The following PLEKHG1 variants were observed in gnomAD, a reference collection of about 807,000 sequenced individuals.
PLEKHG1 encodes the protein pleckstrin homology and RhoGEF domain containing G1.
Under a neutral mutation model 100.8 loss-of-function variants are expected in PLEKHG1, and 44 were observed. The ratio of observed to expected loss-of-function variants is 0.44; its 90% CI spans 0.34 to 0.56. The LOEUF (loss-of-function observed/expected upper bound fraction) is 0.56, where lower values mean the gene tolerates loss of function less well. PLEKHG1 is among the 20% of genes least tolerant of loss of function. The pLI is 0.01. For synonymous variants in PLEKHG1, 640 were observed against 662.5 expected (o/e 0.97, Z 0.52); for missense variants, 1,545 against 1,720.9 (o/e 0.90, Z 1.81).
At chr6:150,777,666 A>G (rs1182302199) in intron 3 of PLEKHG1, among the ~76,000 whole-genome samples, 43 of 141,020 alleles carry the variant, frequency 3.0e-4, no homozygotes, top group African/African-American at 1.0e-3. Flanking sequence ...GCACATGTGC[A>G]GTTGCACATT....
At chr6:150,804,887 T>A in intron 7 of PLEKHG1, 146 bp downstream of exon 8, 2 of 644,934 alleles carry the variant, frequency 3.1e-6, no homozygotes, top group Non-Finnish European at 5.2e-6. Context: ...AGGACATCAG[T>A]AATACCCATC....
intron 3 of PLEKHG1, chr6:150,651,961 A>G (rs575532256): frequency 6.6e-6 from 1 of 152,342 alleles, no homozygotes; most frequent in South Asian, 2.1e-4. Context: ...ATTAACATAC[A>G]TAAAGACTCA....
intron 1 of PLEKHG1, among the ~76,000 whole-genome samples, chr6:150,636,498 G>A (rs1007373456): frequency 5.3e-5 from 8 of 150,626 alleles, no homozygotes; most frequent in African/African-American, 1.5e-4. Flanking sequence ...CTGTTTTTTG[G>A]TTCACTAGGG....
intron 2 of PLEKHG1, among the ~76,000 whole-genome samples, chr6:150,755,641 TCTGCTTCACGCTGAAGCTACGGAGC>T (rs576039511): frequency 3.3e-5 from 5 of 152,208 alleles, no homozygotes; most frequent in African/African-American, 9.6e-5. Flanking sequence ...TTGTATTCTT[TCTGCTTCACGCTGAAGCTACGGAGC>T]CTCAGCAAGG....
intron 2 of PLEKHG1, among the ~76,000 whole-genome samples, chr6:150,761,610 G>A (rs1017102260): frequency 7.9e-5 from 12 of 152,086 alleles, no homozygotes; most frequent in Admixed American, 6.6e-5. Context: ...AATTGATTTC[G>A]GTAATGATTG....
intron 3 of PLEKHG1, among the ~76,000 whole-genome samples, chr6:150,709,784 C>CGTTT (rs774105763): frequency 3.9e-5 from 6 of 151,904 alleles, no homozygotes; most frequent in Admixed American, 1.3e-4. Flanking sequence ...ATGGTGTTTT[C>CGTTT]GTTTGTTTGT....
chr6:150,800,760 T>C, exon 6 of PLEKHG1: 1 of 1,613,978 alleles, frequency 6.2e-7, no homozygotes, highest in Non-Finnish European at 8.5e-7. Flanking sequence ...AACAAGATAC[T>C]GGCCAAATTC....
At chr6:150,655,416 A>C (rs1453761335) in intron 3 of PLEKHG1, among the ~76,000 whole-genome samples, 3 of 152,300 alleles carry the variant, frequency 2.0e-5, no homozygotes, top group African/African-American at 4.8e-5. Flanking sequence ...GATAAAGAAA[A>C]TGTGACACAT....
intron 2 of PLEKHG1, among the ~76,000 whole-genome samples, chr6:150,755,747 C>T (rs9918380): frequency 6.6e-6 from 1 of 152,202 alleles, no homozygotes; most frequent in South Asian, 2.1e-4. Context: ...TTTCCCACCT[C>T]GCTACATCGG....
intron 10 of PLEKHG1, among the ~76,000 whole-genome samples, chr6:150,817,624 C>A (rs1453504723): frequency 1.4e-5 from 2 of 144,310 alleles, no homozygotes; most frequent in African/African-American, 5.3e-5. Flanking sequence ...GTGGCTCAAT[C>A]TCGGCTCACT....
At chr6:150,691,974 A>G (rs767276844) in intron 3 of PLEKHG1, among the ~76,000 whole-genome samples, 3 of 152,230 alleles carry the variant, frequency 2.0e-5, no homozygotes, top group Admixed American at 1.3e-4. Flanking sequence ...CCAGGGGTGG[A>G]TCCAGGTTCC....
At chr6:150,763,402 T>A (rs1296927382) in intron 2 of PLEKHG1, among the ~76,000 whole-genome samples, 1 of 152,044 alleles carries the variant, frequency 6.6e-6, no homozygotes, top group African/African-American at 2.4e-5. Flanking sequence ...GGCTGGAAAA[T>A]CAAACCCATG....
chr6:150,666,036 T>C (rs551075157), intron 3 of PLEKHG1, among the ~76,000 whole-genome samples: 15 of 152,326 alleles, frequency 9.8e-5, no homozygotes, highest in African/African-American at 3.6e-4. Flanking sequence ...TCTTTCCACG[T>C]TGGAAATGCT....
At chr6:150,672,251 C>T (rs894047011) in intron 3 of PLEKHG1, among the ~76,000 whole-genome samples, 2 of 152,204 alleles carry the variant, frequency 1.3e-5, no homozygotes, top group African/African-American at 4.8e-5. Flanking sequence ...TGTGCAAGTA[C>T]TCCCTCCTTC....
At chr6:150,832,270 A>T in intron 15 of PLEKHG1, 65 bp downstream of exon 16, 1 of 1,352,152 alleles carries the variant, frequency 7.4e-7, no homozygotes, top group Non-Finnish European at 1.0e-6. Context: ...CAGATTTCAG[A>T]TGTCCTTAAA....
At chr6:150,794,180 A>G (rs1433458601) in intron 4 of PLEKHG1, among the ~76,000 whole-genome samples, 2 of 152,252 alleles carry the variant, frequency 1.3e-5, no homozygotes, top group Non-Finnish European at 2.9e-5. Flanking sequence ...CAAAAGGAAG[A>G]AAAATAGGGG....
At chr6:150,814,404 A>G (rs1374547810) in intron 10 of PLEKHG1, among the ~76,000 whole-genome samples, 2 of 152,258 alleles carry the variant, frequency 1.3e-5, no homozygotes, top group Non-Finnish European at 1.5e-5. Flanking sequence ...AATATAGTCA[A>G]TATAACATCG....
rs1000066190 is a variant in PLEKHG1 at position 150,610,018 on chromosome 6, C to A, written c.-204+10001C>A. Among the ~76,000 whole-genome samples the A allele has an allele frequency of 5.9e-4, 90 of 152,312 alleles. 1 individual carries two copies. The highest frequency in any genetic ancestry group is 2.1e-3 in the African/African-American group (89 of 41,572). On this transcript the variant is annotated intron_variant, in intron 1 of 3. Transcript: ENST00000367326. ...GCTGTGACGCGATGCTGGGTGAACT[C>A]CCCTCACCACAAGCACCTACGAAGC...
intron 1 of PLEKHG1, among the ~76,000 whole-genome samples, chr6:150,601,171 C>T (rs1776344872): frequency 6.6e-6 from 1 of 152,140 alleles, no homozygotes; most frequent in Non-Finnish European, 1.5e-5. Flanking sequence ...TCCTGTAATG[C>T]GGTACAATAA....
Sources: allele counts gnomAD v4.1 joint callset (sites outside exome capture counted in the v4.1 genomes callset), GRCh38; gene constraint gnomAD v4.1.1; transcripts MANE v1.5; gene names NCBI Gene and HGNC (gene_info 2026-07-23, HGNC 2026-07-21).